Variants in IGF2BP2 observed in about 807,000 individuals in gnomAD.
IGF2BP2 encodes insulin-like growth factor 2 mRNA-binding protein 2.
Under a neutral mutation model 75.8 loss-of-function variants are expected in IGF2BP2, and 17 were observed. The ratio of observed to expected loss-of-function variants is 0.22; its 90% CI spans 0.15 to 0.34. The LOEUF (loss-of-function observed/expected upper bound fraction) is 0.34. IGF2BP2 is among the 10% of genes least tolerant of loss of function. The probability of loss-of-function intolerance (pLI) is 1.00; values close to 1 mark genes in which losing one functional copy is unlikely to be tolerated. For missense variants in IGF2BP2, 516 were observed against 772.4 expected, an observed-to-expected ratio of 0.67 and a Z score of 3.93; for synonymous variants, 288 against 295.6, an observed-to-expected ratio of 0.97 and a Z score of 0.26.
intron 10 of IGF2BP2, among the ~76,000 whole-genome samples, chr3:185,664,177 A>G (rs1004822557): frequency 6.6e-6 from 1 of 152,168 alleles, no homozygotes; most frequent in Non-Finnish European, 1.5e-5. Context: ...CAACCTTAGA[A>G]GCTGGAGGGA....
intron 2 of IGF2BP2, among the ~76,000 whole-genome samples, chr3:185,783,629 C>T (rs1274096020): frequency 2.0e-5 from 3 of 152,132 alleles, no homozygotes; most frequent in South Asian, 2.1e-4. Context: ...CCTGACTGGC[C>T]GAAGTGGTTA....
rs1254284687 is a variant in IGF2BP2, at chr3:185,644,914, CA to C, written c.*616del. On this transcript the variant is annotated 3_prime_UTR_variant, in exon 16 of 16. Coordinates refer to ENST00000382199, the MANE Select transcript of IGF2BP2 (RefSeq NM_006548.6). ...TGGGTGAATTTTGTGCGGGTGGCCT[CA>C]AAGCTCCTCTCTACACCGTGAGACC... is the stretch of plus-strand genomic sequence containing the variant. The C allele has an allele frequency of 1.3e-5, 2 of 152,426 alleles. No homozygotes were observed. Among genetic ancestry groups the C allele is most frequent in the East Asian group, 3.9e-4 (2 of 5,168 alleles). The allele number at this position is 152,426 out of a possible 1,614,324, so 9.4% of individuals were successfully genotyped here.
At position 185,720,714 on chromosome 3, in the gene IGF2BP2, A is replaced by G. The variant is rs1171678740; in HGVS notation, c.240-22367T>C. Among the ~76,000 whole-genome samples, 8 of 152,218 alleles carry G rather than the reference A, an allele frequency of 5.3e-5. No homozygotes were observed. In the East Asian group the frequency reaches 1.3e-3, roughly 26 times the overall value. ...TTCAGAGGCAGATCTTACAGCTGAC[A>G]TTCTTCAAAGAAGAACCTCAGCTTC... On this transcript the variant is annotated intron_variant, in intron 2 of 15. Transcript: ENST00000382199.
chr3:185,683,726 G>A (rs1433497631), intron 7 of IGF2BP2, among the ~76,000 whole-genome samples: 1 of 152,102 alleles, frequency 6.6e-6, no homozygotes, highest in Non-Finnish European at 1.5e-5. Context: ...TACATTTTAT[G>A]TTATGGTTGT....
intron 5 of IGF2BP2, among the ~76,000 whole-genome samples, chr3:185,689,936 C>T (rs558151356): frequency 5.5e-5 from 8 of 146,480 alleles, no homozygotes; most frequent in African/African-American, 1.8e-4. Flanking sequence ...CCACTGCACT[C>T]CAGCCTGGGC....
chr3:185,702,072 GGTT>G (rs1280976794), intron 2 of IGF2BP2, among the ~76,000 whole-genome samples: 1 of 152,106 alleles, frequency 6.6e-6, no homozygotes, highest in Non-Finnish European at 1.5e-5. Flanking sequence ...TGCACTTTTC[GGTT>G]GTTCTGGTAG....
rs1281880948 is a variant in IGF2BP2 at position 185,823,136 on chromosome 3, AAGC to A, written c.239+14_239+16del. 3 of 1,564,096 alleles carry A rather than the reference AAGC, an allele frequency of 1.9e-6. No individual in the cohort carries two copies. The highest frequency in any genetic ancestry group is 1.9e-5 in the Admixed American group (1 of 51,494). On this transcript the variant is annotated intron_variant, in intron 2 of 15. Coordinates refer to ENST00000382199, the MANE Select transcript of IGF2BP2 (RefSeq NM_006548.6). ...TAAGGCCAATCGCAAAAAAAAAACT[AAGC>A]AAAGTATATTTACCTTAGCTTTTTA... is the stretch of plus-strand genomic sequence containing the variant.
At chr3:185,669,073 A>G (rs1190466916) in intron 10 of IGF2BP2, among the ~76,000 whole-genome samples, 1 of 152,216 alleles carries the variant, frequency 6.6e-6, no homozygotes, top group Non-Finnish European at 1.5e-5. Flanking sequence ...TTAAAAAAGC[A>G]TATATTTTAA....
At chr3:185,821,786 G>C (rs562707859) in intron 2 of IGF2BP2, among the ~76,000 whole-genome samples, 18 of 152,230 alleles carry the variant, frequency 1.2e-4, no homozygotes, top group Non-Finnish European at 2.6e-4. Flanking sequence ...TTCAAGTGTT[G>C]TGAGATAGTA....
At chr3:185,776,697 C>T (rs143255831) in intron 2 of IGF2BP2, among the ~76,000 whole-genome samples, 11 of 152,196 alleles carry the variant, frequency 7.2e-5, no homozygotes, top group East Asian at 5.8e-4. Context: ...TTGAAGGTAA[C>T]GAAGATGGAC....
chr3:185,790,072 C>T (rs541303558), intron 2 of IGF2BP2, among the ~76,000 whole-genome samples: 1 of 152,226 alleles, frequency 6.6e-6, no homozygotes, highest in East Asian at 1.9e-4. Flanking sequence ...AGGAGGCTGA[C>T]TGACCTAGAC....
chr3:185,823,897 T>C (rs1426888677), intron 1 of IGF2BP2, among the ~76,000 whole-genome samples: 1 of 151,348 alleles, frequency 6.6e-6, no homozygotes. Context: ...CCGTCTCCTG[T>C]CTGGGCTCCA....
intron 9 of IGF2BP2, among the ~76,000 whole-genome samples, chr3:185,674,267 A>C (rs1254776488): frequency 1.3e-5 from 2 of 152,240 alleles, no homozygotes; most frequent in African/African-American, 2.4e-5. Context: ...ATGAGGGTTT[A>C]GAGGAAACAA....
intron 10 of IGF2BP2, among the ~76,000 whole-genome samples, chr3:185,665,796 G>A (rs970443048): frequency 4.6e-5 from 7 of 152,090 alleles, no homozygotes; most frequent in African/African-American, 1.2e-4. Context: ...GCAAAATCCC[G>A]TCTCTACCAA....
intron 2 of IGF2BP2, among the ~76,000 whole-genome samples, chr3:185,798,735 C>A (rs1737771185): frequency 6.6e-6 from 1 of 151,844 alleles, no homozygotes; most frequent in Admixed American, 6.6e-5. Flanking sequence ...GCAGACAGTA[C>A]CTGTTCAAGA....
At chr3:185,775,392 C>T (rs552344595) in intron 2 of IGF2BP2, among the ~76,000 whole-genome samples, 9 of 152,290 alleles carry the variant, frequency 5.9e-5, no homozygotes, top group African/African-American at 2.2e-4. Flanking sequence ...GACAGAGACT[C>T]AGAAGCCGCA....
At chr3:185,693,323 T>C (rs1224797909) in intron 4 of IGF2BP2, 1 of 152,302 alleles carries the variant, frequency 6.6e-6, no homozygotes, top group Non-Finnish European at 1.5e-5. Flanking sequence ...TATCAATTTA[T>C]TACATCACTA....
chr3:185,680,841 A>C (rs1256522809), intron 7 of IGF2BP2, among the ~76,000 whole-genome samples: 1 of 151,626 alleles, frequency 6.6e-6, no homozygotes, highest in Non-Finnish European at 1.5e-5. Flanking sequence ...AAGGGGGGGG[A>C]ACTACATGAT....
intron 2 of IGF2BP2, among the ~76,000 whole-genome samples, chr3:185,752,155 A>G (rs1339448295): frequency 6.6e-6 from 1 of 152,156 alleles, no homozygotes; most frequent in Non-Finnish European, 1.5e-5. Context: ...TAGGTGGACA[A>G]TAATTTCCTT....
Sources: gnomAD v4.1 joint callset for allele counts (sites outside exome capture counted in the v4.1 genomes callset) on GRCh38, gnomAD v4.1.1 for gene constraint, MANE v1.5 for transcripts, NCBI Gene and HGNC (gene_info 2026-07-23, HGNC 2026-07-21) for gene names.